INPP4B: variants seen among roughly 807,000 people sequenced by gnomAD.
INPP4B encodes the protein inositol polyphosphate-4-phosphatase type II B.
In INPP4B, 55 loss-of-function variants were observed where a neutral mutation model predicts 122.5. The observed-to-expected ratio is 0.45, with a 90% CI of 0.36 to 0.56. The LOEUF (loss-of-function observed/expected upper bound fraction) is 0.56, where lower values mean the gene tolerates loss of function less well. INPP4B is among the 20% of genes least tolerant of loss of function. The pLI is 0.00. For synonymous variants in INPP4B, 403 were observed against 388.7 expected (o/e 1.04, Z -0.43); for missense variants, 1,000 against 1,097.7 (o/e 0.91, Z 1.26).
intron 2 of INPP4B, among the ~76,000 whole-genome samples, chr4:142,591,247 C>T (rs373265595): frequency 2.6e-5 from 4 of 151,652 alleles, no homozygotes; most frequent in East Asian, 1.9e-4. Flanking sequence ...ATCGAGCCAC[C>T]GCACTCCAGC....
At chr4:142,499,382 G>C (rs139274621) in intron 2 of INPP4B, among the ~76,000 whole-genome samples, 10 of 152,042 alleles carry the variant, frequency 6.6e-5, no homozygotes, top group Non-Finnish European at 1.3e-4. Flanking sequence ...TATCCCATTT[G>C]ATTAGAAGGG....
Position 142,062,742 on chromosome 4 carries a change from A to AAAACAAAC in INPP4B, c.2642+19281_2642+19288dup, listed in dbSNP as rs3043162. ...CACAGCAAGACTCCGTCCCCCCGCAAAAACAAACAAACAAACAAACAAACA... is the reference window on the plus strand; with the variant it reads ...CACAGCAAGACTCCGTCCCCCCGCAAAAACAAACAAACAAACAAACAAACAAACAAACA... On this transcript the variant is annotated intron_variant, in intron 25 of 25. Transcript: ENST00000262992. Among the ~76,000 whole-genome samples the AAAACAAAC allele has an allele frequency of 6.5e-3, 965 of 149,212 alleles. 9 individuals are homozygous for AAAACAAAC. Among genetic ancestry groups the AAAACAAAC allele is most frequent in the Middle Eastern group, 0.031 (9 of 292 alleles).
At chr4:142,617,059 G>A (rs1743863528) in intron 2 of INPP4B, among the ~76,000 whole-genome samples, 1 of 151,964 alleles carries the variant, frequency 6.6e-6, no homozygotes, top group African/African-American at 2.4e-5. Flanking sequence ...ATCCTTGTAA[G>A]AAAACTATAC....
chr4:142,090,200 T>C (rs2152562534), intron 23 of INPP4B, among the ~76,000 whole-genome samples: 1 of 152,248 alleles, frequency 6.6e-6, no homozygotes, highest in East Asian at 1.9e-4. Context: ...TCCCACCTCA[T>C]AAAGAGAGTG....
intron 25 of INPP4B, among the ~76,000 whole-genome samples, chr4:142,067,833 A>T (rs2152466461): frequency 6.6e-6 from 1 of 152,354 alleles, no homozygotes; most frequent in East Asian, 1.9e-4. Context: ...GGACTATGTG[A>T]AAAGACCAAA....
chr4:142,633,046 G>A (rs1276035655), intron 2 of INPP4B, among the ~76,000 whole-genome samples: 2 of 151,776 alleles, frequency 1.3e-5, no homozygotes, highest in Non-Finnish European at 2.9e-5. Flanking sequence ...GAAAGCAAAA[G>A]AAGGGAAATA....
At chr4:142,719,392 C>T (rs1478352406) in intron 2 of INPP4B, among the ~76,000 whole-genome samples, 5 of 151,806 alleles carry the variant, frequency 3.3e-5, no homozygotes, top group South Asian at 2.1e-4. Context: ...GGTGTGACCA[C>T]GGCTCCCTGC....
intron 1 of INPP4B, among the ~76,000 whole-genome samples, chr4:142,824,289 C>CTAT (rs1781163328): frequency 6.9e-6 from 1 of 144,678 alleles, no homozygotes; most frequent in Admixed American, 6.7e-5. Flanking sequence ...ATCTGTCTAC[C>CTAT]TATCTATTAT....
rs867499399 is a variant in INPP4B, at chr4:142,481,463, G to T, written c.-190-18737C>A. ...TCCCTCTAATGAGACTGCACAGAGT[G>T]AGAAATTGAGGGAAGGAACATTTAG... On this transcript the variant is annotated intron_variant, in intron 2 of 25. Coordinates refer to ENST00000262992, the MANE Select transcript of INPP4B (RefSeq NM_001101669.3). 3.3e-5 allele frequency among the ~76,000 whole-genome samples: 5 copies of T among 152,190 alleles called. No homozygotes were observed. In the South Asian group the frequency reaches 1.0e-3, roughly 32 times the overall value.
chr4:142,624,284 A>C (rs560352788), intron 2 of INPP4B, among the ~76,000 whole-genome samples: 2 of 151,554 alleles, frequency 1.3e-5, no homozygotes, highest in African/African-American at 4.8e-5. Flanking sequence ...ATGGTATCTC[A>C]TTGTGGTTTT....
chr4:142,805,739 T>TA (rs1778599440), intron 1 of INPP4B, among the ~76,000 whole-genome samples: 2 of 152,248 alleles, frequency 1.3e-5, no homozygotes, highest in African/African-American at 4.8e-5. Context: ...ATTGTAAGAA[T>TA]ACAGTGTATA....
intron 2 of INPP4B, among the ~76,000 whole-genome samples, chr4:142,584,862 A>G (rs950414092): frequency 6.6e-6 from 1 of 152,128 alleles, no homozygotes; most frequent in Admixed American, 6.6e-5. Context: ...ATTTTGCTAT[A>G]TGAGAGACTT....
At chr4:142,449,028 G>A (rs768504718) in intron 3 of INPP4B, among the ~76,000 whole-genome samples, 2 of 152,254 alleles carry the variant, frequency 1.3e-5, no homozygotes, top group South Asian at 2.1e-4. Flanking sequence ...AAAACCAATC[G>A]CATCAGGAGA....
intron 1 of INPP4B, among the ~76,000 whole-genome samples, chr4:142,806,778 AGAAAGAAG>A (rs879675195): frequency 0.083 from 6,459 of 77,802 alleles, 380 homozygotes; most frequent in South Asian, 0.13. Context: ...AAAGAAAGAA[AGAAAGAAG>A]GAAAGAAAGA....
chr4:142,396,566 C>T (rs542220791), intron 7 of INPP4B, among the ~76,000 whole-genome samples: 1 of 152,204 alleles, frequency 6.6e-6, no homozygotes, highest in South Asian at 2.1e-4. Flanking sequence ...GAAACTTAAA[C>T]ATGAATCTGT....
intron 2 of INPP4B, among the ~76,000 whole-genome samples, chr4:142,553,944 A>T (rs1169562500): frequency 6.6e-6 from 1 of 152,144 alleles, no homozygotes; most frequent in Non-Finnish European, 1.5e-5. Flanking sequence ...TAATCCCAGC[A>T]CTTTGGGAGG....
At chr4:142,316,565 CAT>C (rs201525459) in intron 7 of INPP4B, among the ~76,000 whole-genome samples, 1,670 of 152,148 alleles carry the variant, frequency 0.011, 31 homozygotes, top group African/African-American at 0.037. Flanking sequence ...ATATAATGCA[CAT>C]ATGTGTACTA....
chr4:142,778,033 C>T (rs1267249314), intron 1 of INPP4B, among the ~76,000 whole-genome samples: 1 of 152,170 alleles, frequency 6.6e-6, no homozygotes, highest in Non-Finnish European at 1.5e-5. Context: ...TGTAACTGCA[C>T]AGGTCTCAAA....
intron 2 of INPP4B, among the ~76,000 whole-genome samples, chr4:142,550,148 T>C (rs1196906575): frequency 3.3e-4 from 51 of 152,300 alleles, no homozygotes; most frequent in Non-Finnish European, 1.2e-4. Flanking sequence ...AGTCAAGTAT[T>C]AGAGCCTAGT....
Sources: gnomAD v4.1 joint callset for allele counts (sites outside exome capture counted in the v4.1 genomes callset) on GRCh38, gnomAD v4.1.1 for gene constraint, MANE v1.5 for transcripts, NCBI Gene and HGNC (gene_info 2026-07-23, HGNC 2026-07-21) for gene names.